HTR1F: variants seen among roughly 807,000 people sequenced by gnomAD.
HTR1F encodes 5-hydroxytryptamine (serotonin) receptor 1F, G protein-coupled.
In HTR1F, 17 loss-of-function variants were observed where a neutral mutation model predicts 24.0. That is an observed-to-expected ratio of 0.71 (90% CI 0.48 to 1.06). The LOEUF (loss-of-function observed/expected upper bound fraction) is 1.06, where lower values mean the gene tolerates loss of function less well. HTR1F is among the 50% of genes least tolerant of loss of function. The pLI is 0.00. For missense variants in HTR1F, 391 were observed against 427.8 expected (o/e 0.91, Z 0.76); for synonymous variants, 186 against 156.8 (o/e 1.19, Z -1.39).
At chr3:87,870,898 A>G in intron 2 of HTR1F, among the ~76,000 whole-genome samples, 1 of 152,006 alleles carries the variant, frequency 6.6e-6, no homozygotes, top group East Asian at 1.9e-4. Flanking sequence ...CAGAATAATT[A>G]GCTGGGATGA....
Position 87,991,277 on chromosome 3 carries a change from C to T in HTR1F, c.528C>T (p.His176=), listed in dbSNP as rs1800020. The change falls in exon 3 of 3, where the codon CAC becomes CAT. Residue 176 remains histidine, a synonymous_variant. Transcript: ENST00000319595. The stretch of plus-strand genomic sequence containing the variant: ...GAGATGATGAATGCATCATCAAGCA[C>T]GACCACATTGTTTCCACCATTTACT... ...TSRDDECIIK[H]DHIVSTIYST... The T allele has an allele frequency of 4.3e-5, 70 of 1,613,930 alleles. No individual in the cohort carries two copies. The Middle Eastern group carries it at 6.6e-4, about 15-fold the overall frequency.
chr3:87,869,416 G>GAT (rs1488799253), intron 2 of HTR1F, among the ~76,000 whole-genome samples: 1 of 114,490 alleles, frequency 8.7e-6, no homozygotes, highest in African/African-American at 4.4e-5. Context: ...TAGATAGATA[G>GAT]ATAGATAGAT....
At chr3:87,853,876 T>C (rs923881166) in intron 2 of HTR1F, among the ~76,000 whole-genome samples, 5 of 152,106 alleles carry the variant, frequency 3.3e-5, no homozygotes, top group African/African-American at 4.8e-5. Context: ...AACGAGTGTC[T>C]GTTCATGTTC....
chr3:87,879,956 T>A (rs1333647073), intron 2 of HTR1F, among the ~76,000 whole-genome samples: 3 of 152,160 alleles, frequency 2.0e-5, no homozygotes, highest in African/African-American at 7.2e-5. Context: ...TTTCCTCCTA[T>A]TTAAAAGAAA....
intron 2 of HTR1F, among the ~76,000 whole-genome samples, chr3:87,982,486 T>G (rs1307282307): frequency 6.6e-6 from 1 of 152,144 alleles, no homozygotes; most frequent in Non-Finnish European, 1.5e-5. Flanking sequence ...TAACTTGGAC[T>G]AAAAGGGAAA....
At chr3:87,882,497 C>G (rs1217271028) in intron 2 of HTR1F, among the ~76,000 whole-genome samples, 3 of 152,006 alleles carry the variant, frequency 2.0e-5, no homozygotes, top group African/African-American at 7.3e-5. Flanking sequence ...GAAAATGTGG[C>G]ACATATACAC....
chr3:87,927,877 G>GA (rs1015884918), intron 2 of HTR1F, among the ~76,000 whole-genome samples: 28 of 152,036 alleles, frequency 1.8e-4, no homozygotes, highest in African/African-American at 6.5e-4. Context: ...TACGGAGGAT[G>GA]ATTCTACAAT....
chr3:87,903,684 A>C (rs1325499019), intron 2 of HTR1F, among the ~76,000 whole-genome samples: 5 of 152,026 alleles, frequency 3.3e-5, no homozygotes, highest in Non-Finnish European at 4.4e-5. Flanking sequence ...GTGGGACTGT[A>C]AACTAGTTCA....
At chr3:87,834,385 A>C (rs1704641553) in intron 2 of HTR1F, among the ~76,000 whole-genome samples, 1 of 152,208 alleles carries the variant, frequency 6.6e-6, no homozygotes, top group African/African-American at 2.4e-5. Flanking sequence ...ATTAAAAATG[A>C]AAACAATTTG....
chr3:87,950,951 A>C (rs1041041499), intron 2 of HTR1F, among the ~76,000 whole-genome samples: 2 of 152,176 alleles, frequency 1.3e-5, no homozygotes, highest in African/African-American at 4.8e-5. Flanking sequence ...TCAGATATAA[A>C]TGCATCTCCT....
intron 2 of HTR1F, among the ~76,000 whole-genome samples, chr3:87,843,646 A>G (rs915763898): frequency 6.7e-6 from 1 of 149,534 alleles, no homozygotes; most frequent in African/African-American, 2.5e-5. Context: ...ATCATCTAGC[A>G]TTAGGTATAT....
chr3:87,900,458 G>A (rs1316701606), intron 2 of HTR1F, among the ~76,000 whole-genome samples: 1 of 152,168 alleles, frequency 6.6e-6, no homozygotes, highest in East Asian at 1.9e-4. Context: ...ATTTAAATAA[G>A]ATGGTAAGTA....
At chr3:87,802,533 A>G (rs1487636330) in intron 1 of HTR1F, among the ~76,000 whole-genome samples, 1 of 151,686 alleles carries the variant, frequency 6.6e-6, no homozygotes, top group Non-Finnish European at 1.5e-5. Context: ...CCTTCTGGAG[A>G]CAGTATGTTA....
At position 87,793,365 on chromosome 3, in the gene HTR1F, T is replaced by A. The variant is rs1195176432; in HGVS notation, c.-160+523T>A. 3 of 152,198 alleles carry A rather than the reference T, an allele frequency of 2.0e-5. No homozygotes were observed. The East Asian group carries it at 5.8e-4, about 30-fold the overall frequency. 9.4% of individuals were successfully genotyped at this position (152,198 alleles called of 1,614,324 possible). The stretch of plus-strand genomic sequence containing the variant: ...AAATCTGAGGAGCTGGAAGAAGCCG[T>A]AGATCGGAAATCGCTTGCAGTTTTC... On this transcript the variant is annotated intron_variant, in intron 1 of 2. Coordinates refer to ENST00000319595, the MANE Select transcript of HTR1F (RefSeq NM_001322209.2).
At chr3:87,955,603 T>C (rs1704926564) in intron 2 of HTR1F, among the ~76,000 whole-genome samples, 1 of 151,518 alleles carries the variant, frequency 6.6e-6, no homozygotes, top group South Asian at 2.1e-4. Context: ...TGTTTAGCCT[T>C]TTTTTACAAA....
rs76428532 is a variant in HTR1F at position 87,991,873 on chromosome 3, A to C, written c.*23A>C. ...TAGTTTTAAAAATGTTTATTATTGA[A>C]GGATGGGGGTTTTTGAGGGGAGGAA... On this transcript the variant is annotated 3_prime_UTR_variant, in exon 3 of 3. Transcript: ENST00000319595. 0.013 allele frequency: 19,297 copies of C among 1,526,632 alleles called. 1,411 individuals are homozygous for C. In the East Asian group the frequency reaches 0.22, roughly 18 times the overall value. The allele number at this position is 1,526,632 out of a possible 1,614,324, so 94.6% of individuals were successfully genotyped here. A position where few individuals can be genotyped will look rare whatever the true frequency, so the allele number is the denominator to read the frequency against.
At chr3:87,898,897 A>G (rs1172828218) in intron 2 of HTR1F, among the ~76,000 whole-genome samples, 1 of 152,192 alleles carries the variant, frequency 6.6e-6, no homozygotes, top group Non-Finnish European at 1.5e-5. Context: ...TTTCTGAGGC[A>G]AAACATTTAC....
At chr3:87,891,093 G>A (rs1234999481) in intron 2 of HTR1F, among the ~76,000 whole-genome samples, 3 of 151,790 alleles carry the variant, frequency 2.0e-5, no homozygotes, top group Admixed American at 6.6e-5. Context: ...CCCCTGCCTC[G>A]GCCTCCCAAA....
intron 2 of HTR1F, among the ~76,000 whole-genome samples, chr3:87,930,983 A>G (rs1448341938): frequency 6.9e-6 from 1 of 144,584 alleles, no homozygotes; most frequent in African/African-American, 2.5e-5. Context: ...AAATAACTCT[A>G]TGTCATTCTT....
Sources: gnomAD v4.1 joint callset for allele counts (sites outside exome capture counted in the v4.1 genomes callset) on GRCh38, gnomAD v4.1.1 for gene constraint, MANE v1.5 for transcripts, NCBI Gene and HGNC (gene_info 2026-07-23, HGNC 2026-07-21) for gene names.